PCDH11Y: variants seen among roughly 807,000 people sequenced by gnomAD.
PCDH11Y encodes protocadherin-11 Y-linked.
For missense variants in PCDH11Y, 12 were observed against 224.8 expected (o/e 0.05, Z 6.05); for synonymous variants, 9 against 83.6 (o/e 0.11, Z 4.87).
intron 2 of PCDH11Y, among the ~76,000 whole-genome samples, chrY:5,327,199 G>A: frequency 3.0e-5 from 1 of 33,375 alleles, no homozygotes; most frequent in Non-Finnish European, 7.4e-5. Context: ...CCTAATCGGT[G>A]TCAGGGTCAA....
chrY:5,613,637 G>A, intron 4 of PCDH11Y, among the ~76,000 whole-genome samples: 2 of 27,996 alleles, frequency 7.1e-5, no homozygotes, highest in Non-Finnish European at 8.4e-5. Context: ...GCCCCTGTTA[G>A]GAGTATTAAA....
chrY:5,262,644 A>G, intron 2 of PCDH11Y, among the ~76,000 whole-genome samples: 1 of 30,686 alleles, frequency 3.3e-5, no homozygotes, highest in East Asian at 8.6e-4. Context: ...ATTCAGTTTT[A>G]TAAGGGAAGG....
intron 2 of PCDH11Y, among the ~76,000 whole-genome samples, chrY:5,291,871 A>G (rs2053068132): frequency 3.0e-5 from 1 of 32,908 alleles, no homozygotes; most frequent in African/African-American, 1.2e-4. Flanking sequence ...CCCATTAACT[A>G]TAATATTAGA....
At chrY:5,094,704 G>A in intron 1 of PCDH11Y, among the ~76,000 whole-genome samples, 1 of 30,639 alleles carries the variant, frequency 3.3e-5, no homozygotes, top group Admixed American at 3.1e-4. Flanking sequence ...GAGCTGTTGA[G>A]AACTTAAAAT....
intron 3 of PCDH11Y, among the ~76,000 whole-genome samples, chrY:5,519,192 C>A (rs2124689884): frequency 6.2e-5 from 2 of 32,035 alleles, no homozygotes; most frequent in African/African-American, 2.4e-4. Flanking sequence ...AGATCGAGAC[C>A]ATCCTGGCTA....
At chrY:5,577,667 T>G in intron 3 of PCDH11Y, among the ~76,000 whole-genome samples, 1 of 33,050 alleles carries the variant, frequency 3.0e-5, no homozygotes, top group Admixed American at 2.8e-4. Flanking sequence ...CTTATTTCAC[T>G]GCAAATAAGA....
intron 1 of PCDH11Y, among the ~76,000 whole-genome samples, chrY:5,012,939 T>G: frequency 3.9e-5 from 1 of 25,933 alleles, no homozygotes; most frequent in Non-Finnish European, 9.0e-5. Context: ...AAGCTCCGCC[T>G]CCCGGGTTCA....
intron 2 of PCDH11Y, among the ~76,000 whole-genome samples, chrY:5,211,622 G>T: frequency 3.2e-5 from 1 of 31,655 alleles, no homozygotes; most frequent in Non-Finnish European, 7.6e-5. Flanking sequence ...AATGAAAATT[G>T]TCTCCTACAA....
At chrY:5,334,296 G>A in intron 2 of PCDH11Y, among the ~76,000 whole-genome samples, 1 of 33,835 alleles carries the variant, frequency 3.0e-5, no homozygotes, top group African/African-American at 1.2e-4. Flanking sequence ...TCGTTTCAGA[G>A]TCAAACCATA....
At chrY:5,238,429 G>A in intron 2 of PCDH11Y, among the ~76,000 whole-genome samples, 1 of 32,841 alleles carries the variant, frequency 3.0e-5, no homozygotes. Flanking sequence ...AATTCAAGAT[G>A]GATTAAAGAC....
intron 3 of PCDH11Y, among the ~76,000 whole-genome samples, chrY:5,037,869 A>T (rs2124622515): frequency 9.1e-5 from 3 of 33,057 alleles, no homozygotes; most frequent in Admixed American, 2.8e-4. Flanking sequence ...TTCTATTTCC[A>T]TTTCAGTGCT....
chrY:5,274,639 C>T, intron 2 of PCDH11Y, among the ~76,000 whole-genome samples: 3 of 34,097 alleles, frequency 8.8e-5, no homozygotes, highest in Admixed American at 5.3e-4. Flanking sequence ...GCCACCAGGC[C>T]CAGCTGTCAG....
chrY:5,486,004 C>T, intron 2 of PCDH11Y, among the ~76,000 whole-genome samples: 8 of 25,285 alleles, frequency 3.2e-4, no homozygotes, highest in Non-Finnish European at 7.3e-4. Context: ...TGCTCTTTGT[C>T]TCCAGATATT....
intron 2 of PCDH11Y, among the ~76,000 whole-genome samples, chrY:5,345,622 T>G: frequency 3.0e-5 from 1 of 33,256 alleles, no homozygotes; most frequent in Non-Finnish European, 7.4e-5. Flanking sequence ...TCATTCATTT[T>G]AATCATAGCT....
intron 3 of PCDH11Y, among the ~76,000 whole-genome samples, chrY:5,525,943 C>CTG (rs752117151): frequency 4.0e-3 from 114 of 28,344 alleles, no homozygotes; most frequent in South Asian, 0.018. Flanking sequence ...CTCTCTCTCT[C>CTG]TGTGTGTGTG....
chrY:5,425,152 G>A, intron 2 of PCDH11Y, among the ~76,000 whole-genome samples: 1 of 33,174 alleles, frequency 3.0e-5, no homozygotes, highest in Non-Finnish European at 7.4e-5. Context: ...TAAATGTAGC[G>A]CATTGTAGAT....
chrY:5,158,133 A>G, intron 2 of PCDH11Y, among the ~76,000 whole-genome samples: 1 of 30,513 alleles, frequency 3.3e-5, no homozygotes, highest in African/African-American at 1.3e-4. Context: ...ATTTTAAGTC[A>G]ATATATGATT....
At chrY:5,495,583 C>G (rs1602933880) in intron 2 of PCDH11Y, among the ~76,000 whole-genome samples, 1 of 33,393 alleles carries the variant, frequency 3.0e-5, no homozygotes, top group East Asian at 7.9e-4. Flanking sequence ...TATGATTACT[C>G]TTTCTAATCA....
intron 1 of PCDH11Y, among the ~76,000 whole-genome samples, chrY:5,061,232 A>G: frequency 6.1e-5 from 2 of 32,881 alleles, no homozygotes; most frequent in Admixed American, 2.8e-4. Context: ...GCCACTTAAA[A>G]AAGAATCCAG....
Sources: allele counts gnomAD v4.1 joint callset (sites outside exome capture counted in the v4.1 genomes callset), GRCh38; gene constraint gnomAD v4.1.1; transcripts MANE v1.5; gene names NCBI Gene and HGNC (gene_info 2026-07-23, HGNC 2026-07-21).